Variants in NFIA observed in about 807,000 individuals in gnomAD.
NFIA encodes nuclear factor I A.
In NFIA, 8 loss-of-function variants were observed where a neutral mutation model predicts 62.8. The observed-to-expected ratio is 0.13, with a 90% CI of 0.07 to 0.23. The LOEUF is 0.23. Ranked by LOEUF, NFIA falls within the 10% of genes least tolerant of loss-of-function variation. NFIA has a pLI of 1.00. For synonymous variants in NFIA, 235 were observed against 238.1 expected (o/e 0.99, Z 0.12); for missense variants, 410 against 642.1 (o/e 0.64, Z 3.91).
chr1:61,083,462 T>TCCCGGC (rs1470896710), intron 1 of NFIA, among the ~76,000 whole-genome samples: 6 of 152,078 alleles, frequency 3.9e-5, no homozygotes, highest in Admixed American at 1.3e-4. Context: ...CGGGCTCCCG[T>TCCCGGC]CCCGGCCCCG....
rs577503777 is a variant in NFIA, at chr1:61,283,662, A to G, written c.625+6077A>G. Among the ~76,000 whole-genome samples the G allele has an allele frequency of 1.3e-3, 192 of 151,300 alleles. 1 individual carries two copies. The highest frequency in any genetic ancestry group is 4.2e-3 in the African/African-American group (173 of 41,344). On this transcript the variant is annotated intron_variant, in intron 3 of 10. Transcript: ENST00000403491. ...TTGGGGCTGAGAAGAGAAACCTATA[A>G]ATTTCTTTTTCTCTTTTTTGATGAA... is the stretch of plus-strand genomic sequence containing the variant.
At chr1:61,403,493 A>T (rs1330067962) in intron 7 of NFIA, among the ~76,000 whole-genome samples, 1 of 152,178 alleles carries the variant, frequency 6.6e-6, no homozygotes, top group Non-Finnish European at 1.5e-5. Context: ...CCCTGCTGTA[A>T]CATATGTGCA....
At chr1:61,379,967 A>G (rs1370222868) in intron 6 of NFIA, among the ~76,000 whole-genome samples, 2 of 152,198 alleles carry the variant, frequency 1.3e-5, no homozygotes, top group African/African-American at 4.8e-5. Flanking sequence ...TCCAGAGATG[A>G]AAGCCACTAC....
intron 2 of NFIA, among the ~76,000 whole-genome samples, chr1:61,262,782 A>G (rs1488849133): frequency 6.6e-6 from 1 of 152,190 alleles, no homozygotes; most frequent in East Asian, 1.9e-4. Flanking sequence ...ACTAAATGGA[A>G]TAGTCTCCTT....
chr1:61,244,875 A>G (rs1384342321), intron 2 of NFIA, among the ~76,000 whole-genome samples: 1 of 152,176 alleles, frequency 6.6e-6, no homozygotes, highest in Non-Finnish European at 1.5e-5. Flanking sequence ...TTTTATTTCT[A>G]CCTGTCTAGA....
At chr1:61,323,279 A>G (rs1008193186) in intron 3 of NFIA, among the ~76,000 whole-genome samples, 1 of 152,204 alleles carries the variant, frequency 6.6e-6, no homozygotes, top group Admixed American at 6.5e-5. Flanking sequence ...CACCTCATCC[A>G]TATTATTAGC....
intron 2 of NFIA, among the ~76,000 whole-genome samples, chr1:61,275,010 G>T (rs1006795465): frequency 1.3e-5 from 2 of 152,178 alleles, no homozygotes; most frequent in African/African-American, 4.8e-5. Context: ...CTTTGGCTTT[G>T]CTTGCCCCTT....
intron 2 of NFIA, among the ~76,000 whole-genome samples, chr1:61,140,970 T>TG (rs1557593586): frequency 6.8e-6 from 1 of 146,150 alleles, no homozygotes; most frequent in African/African-American, 2.6e-5. Context: ...GCTGGGTTTT[T>TG]TTTTTTTTTT....
intron 7 of NFIA, 60 bp from the exon 8 acceptor site, chr1:61,404,044 G>T (rs756688914): frequency 7.0e-6 from 11 of 1,567,620 alleles, no homozygotes; most frequent in Non-Finnish European, 7.8e-6. Flanking sequence ...GTTGAATCGG[G>T]TTCAGCTATG....
At chr1:61,409,019 C>G (rs1665979803) in intron 9 of NFIA, among the ~76,000 whole-genome samples, 1 of 152,208 alleles carries the variant, frequency 6.6e-6, no homozygotes, top group African/African-American at 2.4e-5. Context: ...GAACCAAGTG[C>G]TATGTATAAG....
At chr1:61,184,392 A>C (rs1651006197) in intron 2 of NFIA, among the ~76,000 whole-genome samples, 1 of 152,242 alleles carries the variant, frequency 6.6e-6, no homozygotes, top group Non-Finnish European at 1.5e-5. Context: ...TGCTACCTCC[A>C]CAGAGTACTT....
At chr1:61,137,839 A>G (rs1647229300) in intron 2 of NFIA, among the ~76,000 whole-genome samples, 1 of 152,218 alleles carries the variant, frequency 6.6e-6, no homozygotes, top group Admixed American at 6.5e-5. Context: ...AAGCTGTGAA[A>G]TCTTTTCCAG....
At chr1:61,252,486 G>A (rs1190830376) in intron 2 of NFIA, among the ~76,000 whole-genome samples, 2 of 152,116 alleles carry the variant, frequency 1.3e-5, no homozygotes, top group African/African-American at 4.8e-5. Flanking sequence ...AATCAGTAAA[G>A]GCAAGCTACA....
At chr1:61,212,636 G>A (rs1327287797) in intron 2 of NFIA, among the ~76,000 whole-genome samples, 1 of 152,100 alleles carries the variant, frequency 6.6e-6, no homozygotes, top group African/African-American at 2.4e-5. Context: ...ATACATTGCA[G>A]TTGTCCTTAT....
chr1:61,250,199 G>A (rs910049796), intron 2 of NFIA: 1 of 152,152 alleles, frequency 6.6e-6, no homozygotes, highest in Non-Finnish European at 1.5e-5. Flanking sequence ...AAAAGCTTCT[G>A]GAGGCCATTT....
chr1:61,173,867 A>G (rs905817840), intron 2 of NFIA, among the ~76,000 whole-genome samples: 1 of 152,090 alleles, frequency 6.6e-6, no homozygotes. Context: ...TTTATTCTGT[A>G]CAGCTGGGGT....
rs61770519 is a variant in NFIA, at chr1:61,330,449, A to C, written c.626-2063A>C. ...GGAAATAGATACACCCCCCCCACACACACACACACACGCACACATCTGCAC... is the reference window on the plus strand; with the variant it reads ...GGAAATAGATACACCCCCCCCACACCCACACACACACGCACACATCTGCAC... On this transcript the variant is annotated intron_variant, in intron 3 of 10. Transcript: ENST00000403491. 9.7e-3 allele frequency among the ~76,000 whole-genome samples: 860 copies of C among 88,316 alleles called. 12 individuals carry two copies. The highest frequency in any genetic ancestry group is 0.057 in the South Asian group (129 of 2,260). 57.9% of individuals were successfully genotyped at this position (88,316 alleles called of 152,430 possible).
intron 2 of NFIA, among the ~76,000 whole-genome samples, chr1:61,118,151 C>T (rs1646823493): frequency 6.7e-6 from 1 of 148,270 alleles, no homozygotes; most frequent in Non-Finnish European, 1.5e-5. Context: ...CACCACTGCA[C>T]TCCAGCCTGG....
rs1665502102 is a variant in NFIA, at chr1:61,400,568, GTAAA to G, written c.1076-3532_1076-3529del. Among the ~76,000 whole-genome samples the G allele has an allele frequency of 2.0e-5, 3 of 152,264 alleles. No individual in the cohort carries two copies. In the South Asian group the frequency reaches 6.2e-4, roughly 32 times the overall value. ...GAGAAAAGCCTTTATTGACTCTCAA[GTAAA>G]TAATGCACATTTTAAAGGATCTAAA... is the stretch of plus-strand genomic sequence containing the variant. On this transcript the variant is annotated intron_variant, in intron 7 of 10. Coordinates refer to ENST00000403491, the MANE Select transcript of NFIA (RefSeq NM_001134673.4).
Sources: gnomAD v4.1 joint callset for allele counts (sites outside exome capture counted in the v4.1 genomes callset) on GRCh38, gnomAD v4.1.1 for gene constraint, MANE v1.5 for transcripts, NCBI Gene and HGNC (gene_info 2026-07-23, HGNC 2026-07-21) for gene names.